Variants in AEBP2 observed in about 807,000 individuals in gnomAD.
AEBP2 encodes the protein AE binding protein 2, also known as zinc finger protein AEBP2.
Under a neutral mutation model 50.8 loss-of-function variants are expected in AEBP2, and 10 were observed. That is an observed-to-expected ratio of 0.20 (90% CI 0.12 to 0.33). The LOEUF (loss-of-function observed/expected upper bound fraction) is 0.33. Among genes scored for constraint, AEBP2 ranks in the 10% least tolerant of loss-of-function variants. AEBP2 has a pLI of 1.00. For missense variants in AEBP2, 570 were observed against 688.0 expected, an observed-to-expected ratio of 0.83 and a Z score of 1.92; for synonymous variants, 296 against 261.3, an observed-to-expected ratio of 1.13 and a Z score of -1.28.
rs1189549371 is a variant in AEBP2 at position 19,440,336 on chromosome 12, G to A, written c.637G>A (p.Gly213Arg). 6.8e-7 allele frequency: 1 copy of A among 1,465,722 alleles called. No individual in the cohort carries two copies. Among genetic ancestry groups the A allele is most frequent in the Non-Finnish European group, 9.0e-7 (1 of 1,116,848 alleles). The allele number at this position is 1,465,722 out of a possible 1,614,324, so 90.8% of individuals were successfully genotyped here. A position where few individuals can be genotyped will look rare whatever the true frequency, so the allele number is the denominator to read the frequency against. ...RRGSLEMSSD[G>R]EPLSRMDSED... The stretch of plus-strand genomic sequence containing the variant: ...GGGCAGCTTGGAGATGTCGTCGGAT[G>A]GGGAACCCCTGAGCCGCATGGACTC... The change falls in exon 1 of 8, where the codon GGG becomes AGG. Residue 213 changes from glycine to arginine, a missense_variant. This residue lies in a region of AEBP2 where 386 missense variants were observed against 336.8 expected (regional missense o/e 1.15). Coordinates refer to ENST00000266508, the MANE Select transcript of AEBP2 (RefSeq NM_153207.5).
At chr12:19,445,529 T>C (rs1225875755) in intron 1 of AEBP2, among the ~76,000 whole-genome samples, 1 of 152,186 alleles carries the variant, frequency 6.6e-6, no homozygotes, top group Non-Finnish European at 1.5e-5. Context: ...CCAGGTACTC[T>C]TCTAAATGCT....
chr12:19,501,616 T>G (rs930433474), intron 5 of AEBP2, among the ~76,000 whole-genome samples: 1 of 149,220 alleles, frequency 6.7e-6, no homozygotes, highest in African/African-American at 2.4e-5. Flanking sequence ...CAGCCTGGGC[T>G]ACAAAGTGAG....
In AEBP2 at chr12:19,457,276, A is replaced by G. The variant is rs146189392; in HGVS notation, c.672-5234A>G. ...GGAGATACCAGCTTCAAATTCACCA[A>G]CACTGGCAGCAACAATCAGGACAGC... On this transcript the variant is annotated intron_variant, in intron 1 of 7. Transcript: ENST00000266508. 9.2e-4 allele frequency: 1,453 copies of G among 1,580,916 alleles called. 3 individuals are homozygous for G. Among genetic ancestry groups the G allele is most frequent in the Non-Finnish European group, 1.1e-3 (1,326 of 1,163,306 alleles).
At chr12:19,409,768 G>T (rs1377594591) in intron 1 of AEBP2, among the ~76,000 whole-genome samples, 3 of 152,134 alleles carry the variant, frequency 2.0e-5, no homozygotes, top group Non-Finnish European at 4.4e-5. Context: ...TTATAATGTC[G>T]TGGGCTTTGC....
chr12:19,489,870 GT>G lies in AEBP2; in HGVS notation c.988-3921del, dbSNP rs145319011. ...CTCTTTAGTTCTAAATTTTACTTCTGTTTTTTTTTAATGATTTTTGATTGAT... is the reference window on the plus strand; with the variant it reads ...CTCTTTAGTTCTAAATTTTACTTCTGTTTTTTTTAATGATTTTTGATTGAT... On this transcript the variant is annotated intron_variant, in intron 3 of 7. Transcript: ENST00000266508. Among the ~76,000 whole-genome samples the G allele has an allele frequency of 6.1e-3, 835 of 137,374 alleles. 9 individuals carry two copies. Among genetic ancestry groups the G allele is most frequent in the Non-Finnish European group, 6.2e-3 (393 of 63,618 alleles). 90.1% of individuals were successfully genotyped at this position (137,374 alleles called of 152,430 possible).
At chr12:19,427,986 C>T (rs569519376) in intron 1 of AEBP2, among the ~76,000 whole-genome samples, 37 of 152,136 alleles carry the variant, frequency 2.4e-4, no homozygotes, top group African/African-American at 8.9e-4. Flanking sequence ...CCCGTAATCC[C>T]AGCACTTTTA....
intron 2 of AEBP2, among the ~76,000 whole-genome samples, chr12:19,469,636 T>C (rs577248558): frequency 7.9e-4 from 120 of 152,242 alleles, no homozygotes; most frequent in Non-Finnish European, 1.4e-3. Flanking sequence ...ATTTTCAGAG[T>C]TGGGATCTTG....
intron 1 of AEBP2, among the ~76,000 whole-genome samples, chr12:19,405,071 G>T (rs1466053496): frequency 2.0e-5 from 3 of 151,226 alleles, no homozygotes; most frequent in Non-Finnish European, 4.4e-5. Context: ...GAGTAGCTGG[G>T]ACTACAGGCA....
At chr12:19,450,805 G>A (rs933351009) in intron 1 of AEBP2, among the ~76,000 whole-genome samples, 1 of 149,638 alleles carries the variant, frequency 6.7e-6, no homozygotes, top group African/African-American at 2.5e-5. Context: ...TTGTGCCACT[G>A]TACTCCTGCC....
In AEBP2 at chr12:19,510,653, A is replaced by G. The variant is rs74064130; in HGVS notation, c.1300-1745A>G. On this transcript the variant is annotated intron_variant, in intron 5 of 7. Transcript: ENST00000266508. ...GCCAAAGTCATACTTTGGAGTCTAGATATGTTAATTGGGGTTTCTGGTCAC... is the reference window on the plus strand; with the variant it reads ...GCCAAAGTCATACTTTGGAGTCTAGGTATGTTAATTGGGGTTTCTGGTCAC... 7.6e-3 allele frequency among the ~76,000 whole-genome samples: 1,155 copies of G among 152,298 alleles called. 14 individuals are homozygous for G. The highest frequency in any genetic ancestry group is 0.026 in the African/African-American group (1,087 of 41,556).
chr12:19,415,422 C>T (rs1280532513), intron 1 of AEBP2, among the ~76,000 whole-genome samples: 2 of 135,714 alleles, frequency 1.5e-5, no homozygotes, highest in Non-Finnish European at 3.1e-5. Context: ...GATTTTCTAG[C>T]ATTCAGAGGC....
intron 6 of AEBP2, 72 bp downstream of exon 6, chr12:19,512,537 AT>A: frequency 1.0e-6 from 1 of 963,064 alleles, no homozygotes; most frequent in African/African-American, 1.7e-5. Context: ...ACACACAAAA[AT>A]TATTTATTAA....
Position 19,462,724 on chromosome 12 carries a change from T to C in AEBP2, c.879+7T>C. 6.4e-7 allele frequency: 1 copy of C among 1,574,548 alleles called. No individual in the cohort carries two copies. The highest frequency in any genetic ancestry group is 8.7e-7 in the Non-Finnish European group (1 of 1,154,142). On this transcript the variant is annotated splice_region_variant and intron_variant, in intron 2 of 7. Transcript: ENST00000266508. Reference sequence around the variant, plus strand: ...AGATGGTCAGCGAGGAGGGGTTGGTTTTGTCATTTCTTTTTTTCGCTCCCT... The same window carrying C: ...AGATGGTCAGCGAGGAGGGGTTGGTCTTGTCATTTCTTTTTTTCGCTCCCT...
At chr12:19,462,447 A>G in intron 1 of AEBP2, 63 bp from the exon 2 acceptor site, 5 of 1,327,886 alleles carry the variant, frequency 3.8e-6, no homozygotes, top group Non-Finnish European at 5.3e-6. Flanking sequence ...TTAAATATTT[A>G]TAAGATCATA....
intron 5 of AEBP2, among the ~76,000 whole-genome samples, chr12:19,503,516 C>T (rs978747538): frequency 1.3e-5 from 2 of 152,060 alleles, no homozygotes; most frequent in African/African-American, 4.8e-5. Flanking sequence ...GTGAAATCTT[C>T]AGGTTTTTCT....
intron 5 of AEBP2, among the ~76,000 whole-genome samples, chr12:19,505,853 G>C (rs1424687045): frequency 6.6e-6 from 1 of 152,138 alleles, no homozygotes; most frequent in Non-Finnish European, 1.5e-5. Context: ...ATGGCTCACT[G>C]TTGCCTCAAA....
At chr12:19,459,684 A>G (rs564123459) in intron 1 of AEBP2, among the ~76,000 whole-genome samples, 6 of 152,342 alleles carry the variant, frequency 3.9e-5, no homozygotes, top group Middle Eastern at 3.4e-3. Flanking sequence ...CAGAGATTAC[A>G]GAGTTTTAGA....
At position 19,440,520 on chromosome 12, in the gene AEBP2, G is replaced by A. The variant is rs1384008859; in HGVS notation, c.671+150G>A. 6.5e-6 allele frequency: 9 copies of A among 1,376,368 alleles called. No individual in the cohort carries two copies. In the East Asian group the frequency reaches 1.6e-4, roughly 24 times the overall value. The allele number at this position is 1,376,368 out of a possible 1,614,324, so 85.3% of individuals were successfully genotyped here. On this transcript the variant is annotated intron_variant, in intron 1 of 7. Coordinates refer to ENST00000266508, the MANE Select transcript of AEBP2 (RefSeq NM_153207.5). The stretch of plus-strand genomic sequence containing the variant: ...ACTCTCAACTCGGAAATCTCTCGCC[G>A]TCGCCGCCGCGCCCCTCTCGCAGCG...
chr12:19,408,962 A>AT (rs930564473), intron 1 of AEBP2, among the ~76,000 whole-genome samples: 2 of 151,522 alleles, frequency 1.3e-5, no homozygotes, highest in Non-Finnish European at 2.9e-5. Context: ...AGCAAAAAAA[A>AT]TTTTTTTTTG....
Sources: gnomAD v4.1 joint callset for allele counts (sites outside exome capture counted in the v4.1 genomes callset) on GRCh38, gnomAD v4.1.1 for gene constraint, gnomAD v4.1.1 regional missense constraint, MANE v1.5 for transcripts, NCBI Gene and HGNC (gene_info 2026-07-23, HGNC 2026-07-21) for gene names.